Variants in CDH13 observed in about 807,000 individuals in gnomAD.
The protein encoded by CDH13 is cadherin 13.
A neutral mutation model predicts 63.8 loss-of-function variants in CDH13; 24 were observed. That is an observed-to-expected ratio of 0.38 (90% CI 0.27 to 0.53). The LOEUF (loss-of-function observed/expected upper bound fraction) is 0.53. Among genes scored for constraint, CDH13 ranks in the 20% least tolerant of loss-of-function variants. The pLI is 0.85. For synonymous variants in CDH13, 503 were observed against 355.3 expected (o/e 1.42, Z -4.67); for missense variants, 1,049 against 903.1 (o/e 1.16, Z -2.07).
Position 83,047,101 on chromosome 16 carries a change from A to G in CDH13, c.366+14883A>G, listed in dbSNP as rs527739205. Reference sequence around the variant, plus strand: ...ATTCCTTTGACAGCAACTTTTTACAACTTCCTTCCTTTGAAGATATAAAGC... The same window carrying G: ...ATTCCTTTGACAGCAACTTTTTACAGCTTCCTTCCTTTGAAGATATAAAGC... On this transcript the variant is annotated intron_variant, in intron 3 of 13. Coordinates refer to ENST00000567109, the MANE Select transcript of CDH13 (RefSeq NM_001257.5). The surrounding 1 kb of genome is among the most constrained non-coding windows in gnomAD (Gnocchi z 4.9). Among the ~76,000 whole-genome samples the G allele has an allele frequency of 8.5e-5, 13 of 152,218 alleles. No individual in the cohort carries two copies. The East Asian group carries it at 1.7e-3, about 20-fold the overall frequency.
At chr16:83,186,507 G>T (rs2038530360) in intron 4 of CDH13, among the ~76,000 whole-genome samples, 1 of 151,930 alleles carries the variant, frequency 6.6e-6, no homozygotes, top group African/African-American at 2.4e-5. Context: ...AGGTTCTCTT[G>T]TGTTGCTTTT....
intron 1 of CDH13, among the ~76,000 whole-genome samples, chr16:82,656,457 G>A (rs369373611): frequency 6.6e-5 from 10 of 152,106 alleles, no homozygotes; most frequent in African/African-American, 1.9e-4. Context: ...AAAATTTGGT[G>A]GAAGGTACAG....
At chr16:82,797,408 C>T (rs1302448084) in intron 1 of CDH13, among the ~76,000 whole-genome samples, 1 of 152,202 alleles carries the variant, frequency 6.6e-6, no homozygotes, top group Admixed American at 6.5e-5. Flanking sequence ...ACTCGAGCTG[C>T]CGCCAGACCT....
chr16:83,038,646 C>G (rs753057166), intron 3 of CDH13, among the ~76,000 whole-genome samples: 20 of 152,264 alleles, frequency 1.3e-4, no homozygotes, highest in Non-Finnish European at 2.4e-4. Context: ...GATGAGGGGT[C>G]TGCGTGTGTG....
chr16:82,839,756 C>T (rs2038930025), intron 1 of CDH13, among the ~76,000 whole-genome samples: 2 of 152,120 alleles, frequency 1.3e-5, no homozygotes, highest in African/African-American at 2.4e-5. Context: ...TAGTGTAGTC[C>T]CCCAGCCTAC....
chr16:83,195,816 C>A (rs1347317245), intron 4 of CDH13, among the ~76,000 whole-genome samples: 1 of 152,166 alleles, frequency 6.6e-6, no homozygotes, highest in Admixed American at 6.5e-5. Context: ...TACAGCCACA[C>A]AAACGTGTCC....
intron 1 of CDH13, among the ~76,000 whole-genome samples, chr16:82,756,666 T>C (rs2151077032): frequency 6.6e-6 from 1 of 152,274 alleles, no homozygotes; most frequent in East Asian, 1.9e-4. Flanking sequence ...TAGCTACTAT[T>C]AGCATTTCTC....
intron 12 of CDH13, among the ~76,000 whole-genome samples, chr16:83,780,472 G>C (rs936361889): frequency 2.6e-5 from 4 of 152,040 alleles, no homozygotes; most frequent in Admixed American, 1.3e-4. Context: ...ATCCTAACCT[G>C]TCTGCTACAT....
intron 5 of CDH13, among the ~76,000 whole-genome samples, chr16:83,267,292 G>C (rs1187745142): frequency 6.6e-6 from 1 of 152,128 alleles, no homozygotes; most frequent in Non-Finnish European, 1.5e-5. Context: ...TCAGGGATTG[G>C]GTTCTCTCCC....
intron 2 of CDH13, among the ~76,000 whole-genome samples, chr16:82,998,350 G>C (rs926220482): frequency 6.6e-6 from 1 of 152,198 alleles, no homozygotes; most frequent in Non-Finnish European, 1.5e-5. Context: ...TAGCAAAAAA[G>C]CATTTCCAAC....
intron 3 of CDH13, among the ~76,000 whole-genome samples, chr16:83,061,994 A>G (rs1456593395): frequency 1.3e-5 from 2 of 152,270 alleles, no homozygotes; most frequent in Middle Eastern, 3.4e-3. Flanking sequence ...CAGGGTGACA[A>G]TTTATGGAGA....
chr16:83,790,552 A>G (rs1038401088), intron 13 of CDH13, among the ~76,000 whole-genome samples: 1 of 152,110 alleles, frequency 6.6e-6, no homozygotes, highest in African/African-American at 2.4e-5. Flanking sequence ...AGCGCCCGCC[A>G]CCATGCCTGG....
intron 3 of CDH13, among the ~76,000 whole-genome samples, chr16:83,065,171 G>C (rs1192553445): frequency 6.6e-6 from 1 of 152,150 alleles, no homozygotes; most frequent in Non-Finnish European, 1.5e-5. Flanking sequence ...TGATATACTG[G>C]ACAGCACAGC....
Position 83,267,571 on chromosome 16 carries a change from A to T in CDH13, c.636+50074A>T, listed in dbSNP as rs542463264. Among the ~76,000 whole-genome samples the T allele has an allele frequency of 2.4e-3, 371 of 152,282 alleles. 2 individuals carry two copies. Among genetic ancestry groups the T allele is most frequent in the African/African-American group, 8.4e-3 (349 of 41,570 alleles). On this transcript the variant is annotated intron_variant, in intron 5 of 13. Transcript: ENST00000567109. ...ATGGGGGCTCCACCCTCATGAATAG[A>T]TGAATGCTGTTATCTCAGGAGAGTG...
At chr16:83,602,126 AAAAAAAAAAAAAAAAAACC>A in intron 7 of CDH13, among the ~76,000 whole-genome samples, 1 of 104,356 alleles carries the variant, frequency 9.6e-6, no homozygotes, top group Admixed American at 9.4e-5. Context: ...AAAAAAAAAA[AAAAAAAAAAAAAAAAAACC>A]CAAAGGACAA....
intron 5 of CDH13, among the ~76,000 whole-genome samples, chr16:83,331,921 T>C (rs1339375481): frequency 6.6e-6 from 1 of 152,136 alleles, no homozygotes; most frequent in Non-Finnish European, 1.5e-5. Context: ...TACATGTTGC[T>C]ACACACATAC....
intron 10 of CDH13, among the ~76,000 whole-genome samples, chr16:83,724,705 C>T (rs1276103692): frequency 1.3e-5 from 2 of 152,194 alleles, no homozygotes; most frequent in African/African-American, 4.8e-5. Flanking sequence ...TCCTAGACAC[C>T]TGTATCCTTA....
At chr16:83,517,592 G>C (rs1325940598) in intron 7 of CDH13, among the ~76,000 whole-genome samples, 1 of 152,170 alleles carries the variant, frequency 6.6e-6, no homozygotes, top group East Asian at 1.9e-4. Flanking sequence ...CCACCTACCT[G>C]AAGGGAGGGT....
intron 5 of CDH13, among the ~76,000 whole-genome samples, chr16:83,262,021 C>G (rs891762765): frequency 1.6e-4 from 25 of 152,274 alleles, no homozygotes; most frequent in African/African-American, 6.0e-4. Context: ...GGCTTCACGT[C>G]TGAGGTTACC....
Sources: allele counts gnomAD v4.1 joint callset (sites outside exome capture counted in the v4.1 genomes callset), GRCh38; gene constraint gnomAD v4.1.1; non-coding constraint Gnocchi (gnomAD v3.1); transcripts MANE v1.5; gene names NCBI Gene and HGNC (gene_info 2026-07-23, HGNC 2026-07-21).